CELF4: variants seen among roughly 807,000 people sequenced by gnomAD.
CELF4 encodes CUGBP Elav-like family member 4.
CELF4 carries 18 observed loss-of-function variants against 59.9 expected under a neutral mutation model. That is an observed-to-expected ratio of 0.30 (90% CI 0.21 to 0.45). The LOEUF is 0.45. Among genes scored for constraint, CELF4 ranks in the 20% least tolerant of loss-of-function variants. The pLI is 1.00. For synonymous variants in CELF4, 261 were observed against 267.1 expected, an observed-to-expected ratio of 0.98 and a Z score of 0.22; for missense variants, 456 against 689.0, an observed-to-expected ratio of 0.66 and a Z score of 3.79.
chr18:37,531,213 C>T (rs988856445), intron 1 of CELF4, among the ~76,000 whole-genome samples: 1 of 152,110 alleles, frequency 6.6e-6, no homozygotes, highest in Non-Finnish European at 1.5e-5. Context: ...ACTGGGAGAC[C>T]CTTCTATCCC....
intron 2 of CELF4, among the ~76,000 whole-genome samples, chr18:37,449,971 T>C (rs1356085665): frequency 6.6e-6 from 1 of 152,064 alleles, no homozygotes; most frequent in Non-Finnish European, 1.5e-5. Flanking sequence ...GGTGCTGAAG[T>C]CCCTGCACTA....
chr18:37,483,339 A>T, intron 2 of CELF4, among the ~76,000 whole-genome samples: 1 of 152,112 alleles, frequency 6.6e-6, no homozygotes. Flanking sequence ...TCGAGCTGCA[A>T]TCCGGTCTTT....
chr18:37,321,675 C>G (rs1234434118), intron 3 of CELF4, 128 bp downstream of exon 3: 1 of 665,754 alleles, frequency 1.5e-6, no homozygotes, highest in Non-Finnish European at 2.6e-6. Context: ...GTCCCCAACC[C>G]TCAGCCACGA....
intron 2 of CELF4, among the ~76,000 whole-genome samples, chr18:37,470,836 CTGTGTGTGTG>C (rs71381583): frequency 0.17 from 16,102 of 92,962 alleles, 1,644 homozygotes; most frequent in Admixed American, 0.26. Context: ...CTTCATGACT[CTGTGTGTGTG>C]TGTGTGTGTG....
chr18:37,346,258 T>C (rs890328640), intron 2 of CELF4, among the ~76,000 whole-genome samples: 10 of 152,038 alleles, frequency 6.6e-5, no homozygotes, highest in African/African-American at 2.4e-4. Flanking sequence ...GAGTCACTGG[T>C]CCCCTCCAAT....
chr18:37,414,677 T>G (rs1294065798), intron 2 of CELF4, among the ~76,000 whole-genome samples: 1 of 152,014 alleles, frequency 6.6e-6, no homozygotes, highest in East Asian at 1.9e-4. Flanking sequence ...TTTTGCATTT[T>G]TAGTAGAGAT....
At chr18:37,348,472 C>A (rs1424110901) in intron 2 of CELF4, among the ~76,000 whole-genome samples, 1 of 152,212 alleles carries the variant, frequency 6.6e-6, no homozygotes, top group African/African-American at 2.4e-5. Flanking sequence ...CACGGACCAT[C>A]TGCTCCACAA....
intron 2 of CELF4, among the ~76,000 whole-genome samples, chr18:37,464,818 AC>A (rs2099803537): frequency 6.6e-6 from 1 of 152,176 alleles, no homozygotes; most frequent in Non-Finnish European, 1.5e-5. Flanking sequence ...AGTTTGGCCC[AC>A]CCACACTGGC....
chr18:37,388,724 A>C (rs764307864), intron 2 of CELF4, among the ~76,000 whole-genome samples: 1 of 152,184 alleles, frequency 6.6e-6, no homozygotes, highest in Non-Finnish European at 1.5e-5. Context: ...ACATGGGAGT[A>C]GGGGGCCTCC....
chr18:37,312,110 CAAAAAAAAAAAAAA>C (rs59872500), intron 3 of CELF4, among the ~76,000 whole-genome samples: 1 of 50,796 alleles, frequency 2.0e-5, no homozygotes, highest in African/African-American at 7.2e-5. Flanking sequence ...GATTCCGTCT[CAAAAAAAAAAAAAA>C]AAAAAAGAAA....
chr18:37,361,102 G>A (rs1413103311), intron 2 of CELF4, among the ~76,000 whole-genome samples: 2 of 152,098 alleles, frequency 1.3e-5, no homozygotes, highest in Non-Finnish European at 2.9e-5. Flanking sequence ...TGACAATTCT[G>A]CTTGTGAAGG....
intron 2 of CELF4, among the ~76,000 whole-genome samples, chr18:37,328,372 G>T (rs888948308): frequency 1.3e-5 from 2 of 152,204 alleles, no homozygotes; most frequent in Non-Finnish European, 2.9e-5. Flanking sequence ...GGCAGCCGAG[G>T]TGACTGGCCC....
At chr18:37,433,748 C>T (rs1273118898) in intron 2 of CELF4, among the ~76,000 whole-genome samples, 1 of 152,098 alleles carries the variant, frequency 6.6e-6, no homozygotes, top group East Asian at 1.9e-4. Flanking sequence ...GGATGGACCA[C>T]CTCTTAGGTG....
chr18:37,457,959 C>T lies in CELF4; in HGVS notation c.369+27566G>A, dbSNP rs943957736. On this transcript the variant is annotated intron_variant, in intron 2 of 12. Transcript: ENST00000420428. Reference sequence around the variant, plus strand: ...GTCTATCACCAGGGAGAGGATGTGACGAGCTGATTCACACCGAGGTGTCAG... The same window carrying T: ...GTCTATCACCAGGGAGAGGATGTGATGAGCTGATTCACACCGAGGTGTCAG... Among the ~76,000 whole-genome samples, 17 of 152,242 alleles carry T rather than the reference C, an allele frequency of 1.1e-4. No individual in the cohort carries two copies. In the East Asian group the frequency reaches 3.1e-3, roughly 28 times the overall value.
In CELF4 at chr18:37,244,583, G is replaced by C. The variant is rs1021849077; in HGVS notation, c.*659C>G. The stretch of plus-strand genomic sequence containing the variant: ...TTTTTTGTTGTTTTTTTTGTTTTTT[G>C]TTTTTTTTTTAATTTTTTATTACAT... On this transcript the variant is annotated 3_prime_UTR_variant, in exon 13 of 13. Transcript: ENST00000420428. 5 of 148,700 alleles carry C rather than the reference G, an allele frequency of 3.4e-5. No homozygotes were observed. Among genetic ancestry groups the C allele is most frequent in the Non-Finnish European group, 6.0e-5 (4 of 66,964 alleles). 9.2% of individuals were successfully genotyped at this position (148,700 alleles called of 1,614,324 possible).
Position 37,417,214 on chromosome 18 carries a change from G to C in CELF4, c.369+68311C>G, listed in dbSNP as rs1038934112. Among the ~76,000 whole-genome samples, 3 of 152,342 alleles carry C rather than the reference G, an allele frequency of 2.0e-5. No homozygotes were observed. The East Asian group carries it at 5.8e-4, about 29-fold the overall frequency. On this transcript the variant is annotated intron_variant, in intron 2 of 12. Transcript: ENST00000420428. ...TGCTGACTGGGCTCCAAGTGCAGGA[G>C]ATAGGGCTGCTTGGGAGCTGGGTCT...
intron 1 of CELF4, among the ~76,000 whole-genome samples, chr18:37,546,701 C>G (rs1445918038): frequency 3.3e-5 from 5 of 152,226 alleles, no homozygotes; most frequent in Admixed American, 1.3e-4. Flanking sequence ...AGCACCAACA[C>G]ACACGTGCAT....
chr18:37,270,621 G>A, intron 8 of CELF4, 147 bp downstream of exon 8: 1 of 939,174 alleles, frequency 1.1e-6, no homozygotes, highest in Non-Finnish European at 1.6e-6. Flanking sequence ...AGGAAGATGG[G>A]AGGCTGGCCC....
At chr18:37,484,090 C>T (rs1190370093) in intron 2 of CELF4, among the ~76,000 whole-genome samples, 1 of 152,104 alleles carries the variant, frequency 6.6e-6, no homozygotes, top group Non-Finnish European at 1.5e-5. Flanking sequence ...CACCATGAAA[C>T]TCCCTAGCAA....
Sources: gnomAD v4.1 joint callset for allele counts (sites outside exome capture counted in the v4.1 genomes callset) on GRCh38, gnomAD v4.1.1 for gene constraint, MANE v1.5 for transcripts, NCBI Gene and HGNC (gene_info 2026-07-23, HGNC 2026-07-21) for gene names.